Variants in RGS5 observed in about 807,000 individuals in gnomAD.
RGS5 encodes the protein regulator of G protein signaling 5.
A neutral mutation model predicts 18.9 loss-of-function variants in RGS5; 20 were observed. The observed-to-expected ratio is 1.06, with a 90% CI of 0.74 to 1.54. The LOEUF is 1.54. RGS5 is among the 40% of genes most tolerant of loss of function. RGS5 has a pLI of 0.00. For synonymous variants in RGS5, 57 were observed against 76.2 expected, an observed-to-expected ratio of 0.75 and a Z score of 1.31; for missense variants, 201 against 211.8, an observed-to-expected ratio of 0.95 and a Z score of 0.32.
chr1:163,218,140 A>T (rs1660257712), upstream of RGS5, among the ~76,000 whole-genome samples: 1 of 152,164 alleles, frequency 6.6e-6, no homozygotes, highest in Non-Finnish European at 1.5e-5. Context: ...GCTGAGTATG[A>T]CCCATGAGTT....
At chr1:163,239,336 A>C (rs2101689920) in intron 2 of RGS5, 1 of 148,388 alleles carries the variant, frequency 6.7e-6, no homozygotes, top group African/African-American at 2.5e-5. Flanking sequence ...AAAAAAAAAC[A>C]TTAGCCAGGC....
intron 1 of RGS5, among the ~76,000 whole-genome samples, chr1:163,182,196 T>C (rs1368010227): frequency 2.6e-5 from 4 of 152,150 alleles, no homozygotes; most frequent in African/African-American, 7.2e-5. Flanking sequence ...GAAAGATCTA[T>C]TTGACTAGCA....
intron 3 of RGS5, among the ~76,000 whole-genome samples, chr1:163,157,888 G>A (rs1018576726): frequency 1.3e-5 from 2 of 152,014 alleles, no homozygotes; most frequent in South Asian, 2.1e-4. Flanking sequence ...ATGTTGCCCA[G>A]ACTGGTCTTG....
chr1:163,296,545 C>T (rs1451977557), intron 2 of RGS5, among the ~76,000 whole-genome samples: 2 of 152,128 alleles, frequency 1.3e-5, no homozygotes, highest in African/African-American at 4.8e-5. Flanking sequence ...TTGCTGTGGG[C>T]CACTCAGCCA....
At chr1:163,307,291 T>C (rs185153381) in intron 1 of RGS5, among the ~76,000 whole-genome samples, 319 of 152,322 alleles carry the variant, frequency 2.1e-3, no homozygotes, top group Non-Finnish European at 4.1e-3. Flanking sequence ...TATTTTCTTC[T>C]CTGAAATGAA....
rs193125062 is a variant in RGS5, at chr1:163,209,176, T to C, written c.69+8350A>G. Among the ~76,000 whole-genome samples, 183 of 152,294 alleles carry C rather than the reference T, an allele frequency of 1.2e-3. 1 individual carries two copies. Among genetic ancestry groups the C allele is most frequent in the South Asian group, 3.3e-3 (16 of 4,830 alleles). On this transcript the variant is annotated intron_variant, in intron 1 of 5. Transcript: ENST00000367903. The stretch of plus-strand genomic sequence containing the variant: ...GGAAATTCAAAAACTTTCTATTAAA[T>C]AACTGAGTGAAAAGAAGAAATACAA...
intron 2 of RGS5, among the ~76,000 whole-genome samples, chr1:163,278,519 G>T (rs1027567218): frequency 6.6e-6 from 1 of 151,996 alleles, no homozygotes. Context: ...CTATTATCAT[G>T]AAAACACAGA....
rs1658142641 is a variant in RGS5 at position 163,168,261 on chromosome 1, T to C, written c.152A>G (p.Gln51Arg). Residue 51 changes from glutamine to arginine, a missense_variant, in exon 2 of 5, where the codon CAG (glutamine) becomes CGG (arginine). Gln to Arg is a conservative substitution (Grantham distance 43, BLOSUM62 1). Transcript: ENST00000313961. ...NEKPEKPAKT[Q>R]KTSLDEALQW... ...GGAATCCATATTCATGACTCACTTCTGGGTCTTGGCTGGTTTCTCTGGCTT... is the reference window on the plus strand; with the variant it reads ...GGAATCCATATTCATGACTCACTTCCGGGTCTTGGCTGGTTTCTCTGGCTT... 3 of 1,611,536 alleles carry C rather than the reference T, an allele frequency of 1.9e-6. No homozygotes were observed. Among genetic ancestry groups the C allele is most frequent in the Non-Finnish European group, 2.5e-6 (3 of 1,177,716 alleles).
chr1:163,302,720 T>C (rs1443760319), intron 2 of RGS5, among the ~76,000 whole-genome samples: 3 of 152,208 alleles, frequency 2.0e-5, no homozygotes, highest in African/African-American at 4.8e-5. Flanking sequence ...TCTCTTCCTC[T>C]GTGCTTTCCC....
chr1:163,196,339 A>G (rs1393276589), intron 1 of RGS5, among the ~76,000 whole-genome samples: 1 of 152,116 alleles, frequency 6.6e-6, no homozygotes, highest in African/African-American at 2.4e-5. Context: ...AGTACAGACA[A>G]AAACCATTAA....
chr1:163,157,998 G>A (rs1657656527), intron 3 of RGS5, among the ~76,000 whole-genome samples: 1 of 152,064 alleles, frequency 6.6e-6, no homozygotes, highest in Non-Finnish European at 1.5e-5. Context: ...AGTTTTAGAT[G>A]TATATATGTC....
At chr1:163,223,143 C>A (rs1284326831) in intron 2 of RGS5, among the ~76,000 whole-genome samples, 2 of 152,144 alleles carry the variant, frequency 1.3e-5, no homozygotes, top group Non-Finnish European at 2.9e-5. Context: ...CTGCGCCCAG[C>A]CTCTATTGAT....
chr1:163,239,300 AC>A (rs1257124608), intron 2 of RGS5: 2 of 146,180 alleles, frequency 1.4e-5, no homozygotes, highest in African/African-American at 5.3e-5. Flanking sequence ...ACACAGTGAA[AC>A]CCTATCCCTA....
intron 1 of RGS5, among the ~76,000 whole-genome samples, chr1:163,177,437 A>G (rs1018101718): frequency 1.1e-4 from 17 of 152,224 alleles, no homozygotes; most frequent in Non-Finnish European, 2.5e-4. Context: ...GAGCTTGTTA[A>G]TAAGTATTTG....
intron 1 of RGS5, among the ~76,000 whole-genome samples, chr1:163,202,126 G>T (rs1659794026): frequency 6.6e-6 from 1 of 152,108 alleles, no homozygotes; most frequent in Non-Finnish European, 1.5e-5. Context: ...TGTCCCAAGG[G>T]CTTTTTCTCT....
intron 2 of RGS5, among the ~76,000 whole-genome samples, chr1:163,262,084 G>T (rs1648456403): frequency 6.6e-6 from 1 of 150,592 alleles, no homozygotes; most frequent in Non-Finnish European, 1.5e-5. Flanking sequence ...GGCTGACATG[G>T]TTAGTACTGG....
intron 1 of RGS5, among the ~76,000 whole-genome samples, chr1:163,191,558 T>A (rs1168874883): frequency 6.6e-6 from 1 of 152,118 alleles, no homozygotes; most frequent in East Asian, 1.9e-4. Flanking sequence ...CCTTCATGAG[T>A]GCGTTTCTTA....
chr1:163,174,262 G>A (rs940359365), intron 1 of RGS5, among the ~76,000 whole-genome samples: 8 of 152,034 alleles, frequency 5.3e-5, no homozygotes, highest in Admixed American at 2.6e-4. Flanking sequence ...ATGTATATGC[G>A]AATATTGTCT....
chr1:163,215,461 A>G (rs965761085), intron 1 of RGS5, among the ~76,000 whole-genome samples: 1 of 152,208 alleles, frequency 6.6e-6, no homozygotes, highest in African/African-American at 2.4e-5. Flanking sequence ...GTCTCATAGT[A>G]AACATGCAAT....
Sources: allele counts gnomAD v4.1 joint callset (sites outside exome capture counted in the v4.1 genomes callset), GRCh38; gene constraint gnomAD v4.1.1; transcripts MANE v1.5; gene names NCBI Gene and HGNC (gene_info 2026-07-23, HGNC 2026-07-21).